ELF2: variants seen among roughly 807,000 people sequenced by gnomAD.
The protein encoded by ELF2 is E74 like ETS transcription factor 2, also known as ETS-related transcription factor Elf-2.
Under a neutral mutation model 54.8 loss-of-function variants are expected in ELF2, and 11 were observed. The observed-to-expected ratio is 0.20, with a 90% CI of 0.13 to 0.33. The LOEUF is 0.33. Among genes scored for constraint, ELF2 ranks in the 10% least tolerant of loss-of-function variants. ELF2 has a pLI of 1.00. For missense variants in ELF2, 513 were observed against 703.0 expected (o/e 0.73, Z 3.06); for synonymous variants, 203 against 245.1 (o/e 0.83, Z 1.61).
At chr4:139,108,787 A>G (rs947269201) in intron 4 of ELF2, among the ~76,000 whole-genome samples, 59 of 152,124 alleles carry the variant, frequency 3.9e-4, no homozygotes, top group Admixed American at 3.9e-3. Context: ...AAAAAAAAAT[A>G]AAAGAATCGA....
Position 139,091,919 on chromosome 4 carries a change from A to G in ELF2, c.239-18352T>C, listed in dbSNP as rs138967333. ...TATTATTTATATATAGAGAATATAT[A>G]TACACACATATATATACACATATAT... On this transcript the variant is annotated intron_variant, in intron 4 of 9. Coordinates refer to ENST00000686138, the MANE Select transcript of ELF2 (RefSeq NM_001331036.3). Among the ~76,000 whole-genome samples, 156 of 149,442 alleles carry G rather than the reference A, an allele frequency of 1.0e-3. 1 individual carries two copies. The highest frequency in any genetic ancestry group is 3.7e-3 in the African/African-American group (153 of 40,818).
At chr4:139,149,825 A>G (rs755417308) in intron 1 of ELF2, among the ~76,000 whole-genome samples, 5 of 152,214 alleles carry the variant, frequency 3.3e-5, no homozygotes, top group Non-Finnish European at 7.3e-5. Context: ...CACCAAATTA[A>G]TCTATCAAAA....
intron 1 of ELF2, among the ~76,000 whole-genome samples, chr4:139,145,805 A>G (rs1739172036): frequency 6.6e-6 from 1 of 152,220 alleles, no homozygotes; most frequent in African/African-American, 2.4e-5. Flanking sequence ...TTGTTTCAAT[A>G]GATGCAGAAA....
At chr4:139,113,872 A>C (rs980662790) in intron 4 of ELF2, among the ~76,000 whole-genome samples, 1 of 152,150 alleles carries the variant, frequency 6.6e-6, no homozygotes, top group Non-Finnish European at 1.5e-5. Context: ...AAAAAAAATT[A>C]AAAGTAAATA....
intron 4 of ELF2, among the ~76,000 whole-genome samples, chr4:139,092,004 C>CAT (rs991602886): frequency 5.3e-4 from 78 of 147,664 alleles, no homozygotes; most frequent in African/African-American, 1.0e-3. Context: ...TATATATATA[C>CAT]ATATATATAT....
chr4:139,151,032 AAAAG>A (rs71600182), intron 1 of ELF2, among the ~76,000 whole-genome samples: 12,480 of 102,044 alleles, frequency 0.12, 1,040 homozygotes, highest in Middle Eastern at 0.16. Context: ...TCAAAAAAAA[AAAAG>A]AAAGAAAGAA....
chr4:139,081,122 C>T (rs1731052292), intron 4 of ELF2, among the ~76,000 whole-genome samples: 1 of 152,030 alleles, frequency 6.6e-6, no homozygotes, highest in South Asian at 2.1e-4. Flanking sequence ...GATATAGATC[C>T]TCAACTCTTC....
At position 139,062,069 on chromosome 4, in the gene ELF2, A is replaced by G; in HGVS notation, c.614-12T>C. 1 of 1,604,646 alleles carries G rather than the reference A, an allele frequency of 6.2e-7. No individual in the cohort carries two copies. The highest frequency in any genetic ancestry group is 1.1e-5 in the South Asian group (1 of 89,044). ...ATAGGTTGTGTTTCCTTTAAAAACA[A>G]TGACAGACATTGATTAAAATTCATT... On this transcript the variant is annotated splice_polypyrimidine_tract_variant and intron_variant, in intron 7 of 9. Coordinates refer to ENST00000686138, the MANE Select transcript of ELF2 (RefSeq NM_001331036.3).
intron 3 of ELF2, among the ~76,000 whole-genome samples, chr4:139,133,172 C>T (rs918107179): frequency 3.9e-5 from 6 of 152,078 alleles, no homozygotes; most frequent in Non-Finnish European, 7.4e-5. Flanking sequence ...CCGCCCGCCT[C>T]GGCTTCCGAA....
intron 1 of ELF2, among the ~76,000 whole-genome samples, chr4:139,162,933 C>CA (rs1177219169): frequency 1.3e-5 from 2 of 151,750 alleles, no homozygotes; most frequent in Admixed American, 6.6e-5. Flanking sequence ...TCTGTCTCTA[C>CA]AAAAAAAATT....
chr4:139,148,469 A>G (rs1739501431), intron 1 of ELF2, among the ~76,000 whole-genome samples: 1 of 151,466 alleles, frequency 6.6e-6, no homozygotes, highest in African/African-American at 2.4e-5. Flanking sequence ...GAGCCATCAT[A>G]CCCAGCCTAC....
In ELF2 at chr4:139,164,754, G is replaced by A. The variant is rs899391871; in HGVS notation, c.-252+12213C>T. The stretch of plus-strand genomic sequence containing the variant: ...GTTTTTATGTTTATTTCAGAAATCT[G>A]TTTCTTTAAGTTTTTAAACATCTTC... On this transcript the variant is annotated intron_variant, in intron 1 of 9. Transcript: ENST00000686138. Among the ~76,000 whole-genome samples, 3 of 152,146 alleles carry A rather than the reference G, an allele frequency of 2.0e-5. No homozygotes were observed. In the South Asian group the frequency reaches 6.2e-4, roughly 31 times the overall value.
At chr4:139,122,737 G>A (rs1395038949) in intron 4 of ELF2, among the ~76,000 whole-genome samples, 1 of 151,380 alleles carries the variant, frequency 6.6e-6, no homozygotes, top group Non-Finnish European at 1.5e-5. Flanking sequence ...TCTTGACTTC[G>A]TGATCCACCC....
chr4:139,113,933 C>T (rs1347818593), intron 4 of ELF2, among the ~76,000 whole-genome samples: 1 of 151,804 alleles, frequency 6.6e-6, no homozygotes, highest in Non-Finnish European at 1.5e-5. Flanking sequence ...TAGGTCTTTG[C>T]TTTTGGCCAC....
chr4:139,161,880 G>A (rs997194725), intron 1 of ELF2, among the ~76,000 whole-genome samples: 12 of 152,040 alleles, frequency 7.9e-5, no homozygotes, highest in Non-Finnish European at 1.5e-4. Flanking sequence ...GGATCACAAG[G>A]TCAGGAGATC....
At chr4:139,134,527 T>TTATTGTATTGTATTG (rs542901294) in intron 3 of ELF2, among the ~76,000 whole-genome samples, 2,480 of 150,964 alleles carry the variant, frequency 0.016, 74 homozygotes, top group African/African-American at 0.058. Context: ...TGGCTAGTAT[T>TTATTGTATTGTATTG]TATTGTATTG....
chr4:139,071,820 GA>G (rs748324941), intron 6 of ELF2, 45 bp downstream of exon 6: 1 of 1,536,444 alleles, frequency 6.5e-7, no homozygotes, highest in Non-Finnish European at 8.7e-7. Flanking sequence ...AAAGATAAGA[GA>G]AAAATTTTCA....
rs1294387801 is a variant in ELF2, at chr4:139,133,084, G to T, written c.72+4546C>A. Among the ~76,000 whole-genome samples the T allele has an allele frequency of 5.3e-5, 8 of 151,872 alleles. No homozygotes were observed. In the East Asian group the frequency reaches 1.4e-3, roughly 26 times the overall value. Reference sequence around the variant, plus strand: ...CTACAGGCACCCGCCACCATGCCCGGCTAATTTTTTGTATTTTTAGTACAG... The same window carrying T: ...CTACAGGCACCCGCCACCATGCCCGTCTAATTTTTTGTATTTTTAGTACAG... On this transcript the variant is annotated intron_variant, in intron 3 of 9. Transcript: ENST00000686138.
At position 139,125,199 on chromosome 4, in the gene ELF2, T is replaced by C; in HGVS notation, c.203A>G (p.Glu68Gly). Reference sequence around the variant, plus strand: ...ATTCTCGGTCTCAACTTCTTGTTCTTCTGCCACATCTTGCATCATATAAGT... The same window carrying C: ...ATTCTCGGTCTCAACTTCTTGTTCTCCTGCCACATCTTGCATCATATAAGT... ...DETYMMQDVA[E>G]EQEVETENVE... Residue 68 changes from glutamate (E) to glycine (G), a missense_variant, in exon 4 of 10, where the codon GAA (glutamate) becomes GGA (glycine). By Grantham distance (98) the Glu-to-Gly change is moderately conservative. Transcript: ENST00000686138. The C allele has an allele frequency of 6.2e-7, 1 of 1,613,066 alleles. No individual in the cohort carries two copies. Among genetic ancestry groups the C allele is most frequent in the Non-Finnish European group, 8.5e-7 (1 of 1,179,728 alleles).
Sources: gnomAD v4.1 joint callset for allele counts (sites outside exome capture counted in the v4.1 genomes callset) on GRCh38, gnomAD v4.1.1 for gene constraint, MANE v1.5 for transcripts, NCBI Gene and HGNC (gene_info 2026-07-23, HGNC 2026-07-21) for gene names.